Variants in TTC27 observed in about 807,000 individuals in gnomAD.
TTC27 encodes tetratricopeptide repeat domain 27, also known as tetratricopeptide repeat protein 27.
Under a neutral mutation model 115.9 loss-of-function variants are expected in TTC27, and 79 were observed. The observed-to-expected ratio is 0.68, with a 90% CI of 0.57 to 0.82. The LOEUF is 0.82. TTC27 is among the 40% of genes least tolerant of loss of function. The pLI is 0.00. For synonymous variants in TTC27, 401 were observed against 356.0 expected (o/e 1.13, Z -1.42); for missense variants, 1,054 against 993.1 (o/e 1.06, Z -0.82).
intron 12 of TTC27, among the ~76,000 whole-genome samples, chr2:32,757,368 G>A (rs1256216303): frequency 6.6e-6 from 1 of 152,096 alleles, no homozygotes; most frequent in African/African-American, 2.4e-5. Context: ...ACCTCTCTTC[G>A]GTGCCTTTCC....
At chr2:32,659,411 A>G (rs1403442455) in intron 5 of TTC27, among the ~76,000 whole-genome samples, 1 of 61,098 alleles carries the variant, frequency 1.6e-5, no homozygotes, top group Non-Finnish European at 3.4e-5. Flanking sequence ...TTTTTTCTTT[A>G]TCTTACCAAT....
At position 32,758,373 on chromosome 2, in the gene TTC27, C is replaced by T. The variant is rs1297224695; in HGVS notation, c.1534C>T (p.His512Tyr). 5 of 1,614,066 alleles carry T rather than the reference C, an allele frequency of 3.1e-6. No homozygotes were observed. The highest frequency in any genetic ancestry group is 2.5e-6 in the Non-Finnish European group (3 of 1,180,054). Residue 512 changes from histidine to tyrosine, a missense_variant, in exon 13 of 20, where the codon CAT becomes TAT. Coordinates refer to ENST00000317907, the MANE Select transcript of TTC27 (RefSeq NM_017735.5). ...YCLLGDVLGDHSCYDKAWELS... is the reference protein window; with the variant it reads ...YCLLGDVLGDYSCYDKAWELS... ...CTTGCTTGGAGATGTCCTCGGAGAC[C>T]ATTCTTGCTATGACAAGGCCTGGGA...
chr2:32,633,237 A>T (rs1664281157), intron 2 of TTC27, among the ~76,000 whole-genome samples: 1 of 152,146 alleles, frequency 6.6e-6, no homozygotes, highest in Non-Finnish European at 1.5e-5. Context: ...GTGGAGATAG[A>T]AGTGCTCTCT....
intron 10 of TTC27, among the ~76,000 whole-genome samples, chr2:32,714,636 T>C (rs1261490053): frequency 6.6e-6 from 1 of 152,174 alleles, no homozygotes; most frequent in African/African-American, 2.4e-5. Flanking sequence ...CTGATGGTAG[T>C]TCTGTTTTAA....
At chr2:32,761,338 A>T (rs1186766432) in intron 13 of TTC27, among the ~76,000 whole-genome samples, 1 of 152,098 alleles carries the variant, frequency 6.6e-6, no homozygotes, top group Non-Finnish European at 1.5e-5. Flanking sequence ...TCCTGGTCCA[A>T]ATCCCCATTG....
At chr2:32,806,696 C>G (rs188454615) in intron 16 of TTC27, among the ~76,000 whole-genome samples, 3 of 151,896 alleles carry the variant, frequency 2.0e-5, no homozygotes, top group African/African-American at 7.3e-5. Context: ...GCAGGAGAAT[C>G]GCTTGAACCA....
intron 13 of TTC27, among the ~76,000 whole-genome samples, chr2:32,774,677 G>C (rs1669937645): frequency 6.6e-6 from 1 of 152,044 alleles, no homozygotes. Context: ...TCTGAACTGA[G>C]ATGCCAGTCA....
chr2:32,708,304 G>GTTTTTTTTTTTTGTT (rs1667450838), intron 10 of TTC27, among the ~76,000 whole-genome samples: 1 of 61,354 alleles, frequency 1.6e-5, no homozygotes, highest in Non-Finnish European at 3.1e-5. Context: ...TCTCTACCTT[G>GTTTTTTTTTTTTGTT]TTTTTTTTTT....
intron 12 of TTC27, among the ~76,000 whole-genome samples, chr2:32,745,948 C>G (rs1352917540): frequency 6.6e-6 from 1 of 152,134 alleles, no homozygotes; most frequent in East Asian, 1.9e-4. Context: ...AAGTAAACAG[C>G]ATGTTACTCC....
At chr2:32,789,207 G>T (rs1243400432) in intron 16 of TTC27, among the ~76,000 whole-genome samples, 1 of 152,150 alleles carries the variant, frequency 6.6e-6, no homozygotes, top group African/African-American at 2.4e-5. Context: ...TAACTTAGAT[G>T]AATTAAGTAT....
rs567253209 is a variant in TTC27, at chr2:32,704,656, T to C, written c.1233+1736T>C. Among the ~76,000 whole-genome samples the C allele has an allele frequency of 2.6e-5, 4 of 152,320 alleles. No homozygotes were observed. The South Asian group carries it at 8.3e-4, about 32-fold the overall frequency. On this transcript the variant is annotated intron_variant, in intron 10 of 19. Transcript: ENST00000317907. The stretch of plus-strand genomic sequence containing the variant: ...ATCCAAGCCTGGCATTTCACTGTCA[T>C]GTCCTCTCAGGCTCCTTTATTCCAG...
chr2:32,681,291 C>G (rs564275882), intron 9 of TTC27, among the ~76,000 whole-genome samples: 1 of 152,080 alleles, frequency 6.6e-6, no homozygotes, highest in Non-Finnish European at 1.5e-5. Flanking sequence ...ACTGTCTCCC[C>G]GACATTTTTT....
At chr2:32,746,622 A>G (rs1668841829) in intron 12 of TTC27, among the ~76,000 whole-genome samples, 1 of 151,206 alleles carries the variant, frequency 6.6e-6, no homozygotes, top group Non-Finnish European at 1.5e-5. Context: ...AATAGTAACC[A>G]ATAGCCAGAA....
chr2:32,644,805 TTCCC>T (rs746119041), intron 4 of TTC27, among the ~76,000 whole-genome samples: 12 of 151,224 alleles, frequency 7.9e-5, no homozygotes, highest in East Asian at 1.9e-4. Flanking sequence ...TCATTCTTTT[TTCCC>T]TCCCTCCCTC....
At chr2:32,721,711 G>GC (rs1667935240) in intron 10 of TTC27, among the ~76,000 whole-genome samples, 1 of 39,494 alleles carries the variant, frequency 2.5e-5, no homozygotes, top group Non-Finnish European at 5.0e-5. Context: ...CTGGAGTACA[G>GC]TGGAATGATT....
chr2:32,759,157 G>T (rs1669347470), intron 13 of TTC27, among the ~76,000 whole-genome samples: 1 of 152,072 alleles, frequency 6.6e-6, no homozygotes, highest in Admixed American at 6.6e-5. Flanking sequence ...TTTATTATTA[G>T]AAATGGTCAT....
At chr2:32,717,109 T>C (rs1667778824) in intron 10 of TTC27, among the ~76,000 whole-genome samples, 1 of 151,632 alleles carries the variant, frequency 6.6e-6, no homozygotes, top group African/African-American at 2.4e-5. Context: ...GCTCAAGTGA[T>C]CCTCCTGTTT....
chr2:32,657,939 CCAGCCT>C (rs1340097356), intron 5 of TTC27, among the ~76,000 whole-genome samples: 4 of 152,224 alleles, frequency 2.6e-5, no homozygotes, highest in Non-Finnish European at 5.9e-5. Context: ...AAGTGATTCT[CCAGCCT>C]CAGCCTCCCA....
At chr2:32,666,823 A>T in intron 7 of TTC27, 55 bp downstream of exon 7, 1 of 1,582,812 alleles carries the variant, frequency 6.3e-7, no homozygotes, top group Non-Finnish European at 8.6e-7. Flanking sequence ...TAAGAATTTC[A>T]ATAGCTGAGT....
Sources: gnomAD v4.1 joint callset for allele counts (sites outside exome capture counted in the v4.1 genomes callset) on GRCh38, gnomAD v4.1.1 for gene constraint, MANE v1.5 for transcripts, NCBI Gene and HGNC (gene_info 2026-07-23, HGNC 2026-07-21) for gene names.